The following CEP170B variants were observed in gnomAD, a reference collection of about 807,000 sequenced individuals.
CEP170B encodes centrosomal protein 170B.
A neutral mutation model predicts 120.6 loss-of-function variants in CEP170B; 55 were observed. That is an observed-to-expected ratio of 0.46 (90% CI 0.37 to 0.57). CEP170B has a LOEUF of 0.57. Ranked by LOEUF, CEP170B falls within the 20% of genes least tolerant of loss-of-function variation. The probability of loss-of-function intolerance (pLI) is 0.00; values close to 1 mark genes in which losing one functional copy is unlikely to be tolerated. For synonymous variants in CEP170B, 1,033 were observed against 954.5 expected (o/e 1.08, Z -1.52); for missense variants, 2,212 against 2,253.3 (o/e 0.98, Z 0.37).
In CEP170B at chr14:104,893,034, G is replaced by T. The variant is rs1361781905; in HGVS notation, c.3937G>T (p.Ala1313Ser). 3 of 1,590,932 alleles carry T rather than the reference G, an allele frequency of 1.9e-6. No individual in the cohort carries two copies. Among genetic ancestry groups the T allele is most frequent in the Non-Finnish European group, 2.6e-6 (3 of 1,170,434 alleles). Residue 1313 changes from alanine to serine, a missense_variant, in exon 14 of 19, where the codon GCT (alanine) becomes TCT (serine). Transcript: ENST00000414716. Reference sequence around the variant, plus strand: ...CCTAGCCCAGGAGATCCACGATGTGGCTGGGGACGGTGACACACTGGGCTC... The same window carrying T: ...CCTAGCCCAGGAGATCCACGATGTGTCTGGGGACGGTGACACACTGGGCTC... ...AILAQEIHDV[A>S]GDGDTLGSSE...
At chr14:104,886,211 C>T (rs1896490429) in intron 11 of CEP170B, 64 bp from the exon 12 acceptor site, 1 of 1,471,020 alleles carries the variant, frequency 6.8e-7, no homozygotes, top group Non-Finnish European at 9.0e-7. Flanking sequence ...CAGGCTGCCT[C>T]TTCCTGAGCG....
At chr14:104,877,210 TC>T (rs1396349608) in intron 3 of CEP170B, among the ~76,000 whole-genome samples, 1 of 152,198 alleles carries the variant, frequency 6.6e-6, no homozygotes, top group Admixed American at 6.5e-5. Context: ...GAAGCGGCTG[TC>T]CCTGAATGGC....
intron 14 of CEP170B, 146 bp downstream of exon 14, chr14:104,893,281 C>A: frequency 8.8e-7 from 1 of 1,137,648 alleles, no homozygotes; most frequent in Non-Finnish European, 1.2e-6. Context: ...CCTGGGTCAG[C>A]GCCCCAAACG....
chr14:104,886,678 T>A lies in CEP170B; in HGVS notation c.2439T>A (p.Leu813=). The A allele has an allele frequency of 6.5e-7, 1 of 1,546,154 alleles. No homozygotes were observed. Among genetic ancestry groups the A allele is most frequent in the East Asian group, 2.3e-5 (1 of 44,328 alleles). The part of the protein sequence containing the change: ...NGDAVLSRKP[L]AAPGDGEGLG... ...ACGCTGTGTTATCTAGGAAACCGCTTGCGGCTCCAGGGGATGGGGAGGGCC... is the reference window on the plus strand; with the variant it reads ...ACGCTGTGTTATCTAGGAAACCGCTAGCGGCTCCAGGGGATGGGGAGGGCC... The change falls in exon 12 of 19, where the codon CTT becomes CTA. Residue 813 remains leucine (L), a synonymous_variant. Transcript: ENST00000414716.
In CEP170B at chr14:104,872,411, G is replaced by GT. The variant is rs1895595672; in HGVS notation, c.106-3845_106-3844insT. The stretch of plus-strand genomic sequence containing the variant: ...GTGTGCCGTGGGTGTGCGTGGGTGT[G>GT]CCGTGGGTGTGCCGTGCGTGTGTGC... On this transcript the variant is annotated intron_variant, in intron 2 of 18. Coordinates refer to ENST00000414716, the MANE Select transcript of CEP170B (RefSeq NM_001112726.3). 1.5e-4 allele frequency among the ~76,000 whole-genome samples: 10 copies of GT among 68,462 alleles called. 1 individual carries two copies. In the South Asian group the frequency reaches 4.6e-3, roughly 32 times the overall value. The allele number at this position is 68,462 out of a possible 152,430, so 44.9% of individuals were successfully genotyped here.
At chr14:104,882,619 T>G (rs983245158) in intron 6 of CEP170B, 109 bp from the exon 7 acceptor site, 20 of 773,488 alleles carry the variant, frequency 2.6e-5, no homozygotes, top group Middle Eastern at 3.4e-4. Flanking sequence ...AGCTGGGAGG[T>G]GATGCCAGGG....
Position 104,887,390 on chromosome 14 carries a change from G to A in CEP170B, c.3151G>A (p.Val1051Ile). ...TTGGCCCAGTGAGGAGCGTGGCCCT[G>A]TCCTCGCCCACCTACCCAGCTCAGA... ...LDWPSEERGP[V>I]LAHLPSSDVM... is the part of the protein sequence containing the mutation. Residue 1051 changes from valine (V) to isoleucine (I), a missense_variant, in exon 12 of 19, where the codon GTC becomes ATC. Around this residue, in one of 2 missense-constraint regions of CEP170B, gnomAD observed 2,166 missense variants for 2,166.7 expected, o/e 1.00. Transcript: ENST00000414716. The A allele has an allele frequency of 6.2e-7, 1 of 1,612,178 alleles. No homozygotes were observed. The highest frequency in any genetic ancestry group is 1.7e-5 in the Admixed American group (1 of 59,984).
In CEP170B at chr14:104,894,955, C is replaced by T; in HGVS notation, c.4662C>T (p.Ile1554=). The T allele has an allele frequency of 6.3e-7, 1 of 1,577,194 alleles. No homozygotes were observed. The highest frequency in any genetic ancestry group is 1.8e-5 in the Admixed American group (1 of 55,622). The change falls in exon 19 of 19, where the codon ATC becomes ATT. Residue 1554 remains isoleucine, a synonymous_variant. Coordinates refer to ENST00000414716, the MANE Select transcript of CEP170B (RefSeq NM_001112726.3). ...TFLPDAERFL[I] ...TCCCTGATGCCGAGAGGTTCCTGATCTAGGCCCCAGACCTGGCCAGGCCAG... is the reference window on the plus strand; with the variant it reads ...TCCCTGATGCCGAGAGGTTCCTGATTTAGGCCCCAGACCTGGCCAGGCCAG...
chr14:104,883,228 C>A lies in CEP170B; in HGVS notation c.771C>A (p.Gly257=), dbSNP rs765940197. The change falls in exon 8 of 19, where the codon GGC becomes GGA. Residue 257 remains glycine (G), a synonymous_variant. Coordinates refer to ENST00000414716, the MANE Select transcript of CEP170B (RefSeq NM_001112726.3). ...MPTKDAEAGG[G]GAAPVVQSHA... is the part of the protein sequence containing the mutation. ...CGAAGGATGCAGAGGCAGGTGGGGG[C>A]GGAGCGGCCCCTGTGGTGCAGAGCC... 6.2e-7 allele frequency: 1 copy of A among 1,610,984 alleles called. No homozygotes were observed. Among genetic ancestry groups the A allele is most frequent in the South Asian group, 1.1e-5 (1 of 90,938 alleles).
chr14:104,877,355 C>T (rs1453586694), intron 3 of CEP170B, among the ~76,000 whole-genome samples: 1 of 152,186 alleles, frequency 6.6e-6, no homozygotes, highest in Non-Finnish European at 1.5e-5. Flanking sequence ...GCATGGTTGG[C>T]TACTTCTGAG....
chr14:104,878,847 G>A (rs1311256836), intron 5 of CEP170B, among the ~76,000 whole-genome samples: 2 of 152,240 alleles, frequency 1.3e-5, no homozygotes, highest in Non-Finnish European at 2.9e-5. Context: ...GGCTTTCGGA[G>A]CTGCATCGCT....
chr14:104,888,871 G>T (rs1200595487), intron 12 of CEP170B, among the ~76,000 whole-genome samples: 4 of 152,162 alleles, frequency 2.6e-5, no homozygotes, highest in Admixed American at 1.3e-4. Flanking sequence ...GGGCGGGGCC[G>T]AGGGTCACCC....
rs201569072 is a variant in CEP170B, at chr14:104,886,745, G to A, written c.2506G>A (p.Val836Ile). 1.4e-4 allele frequency: 231 copies of A among 1,610,872 alleles called. No individual in the cohort carries two copies. In the Admixed American group the frequency reaches 1.8e-3, roughly 13 times the overall value. ...AQPSPPARDGVYVSANGRMVI... is the reference protein window; with the variant it reads ...AQPSPPARDGIYVSANGRMVI... Reference sequence around the variant, plus strand: ...GCCCAGCCCCCCAGCACGGGATGGCGTCTATGTCAGTGCCAATGGGAGAAT... The same window carrying A: ...GCCCAGCCCCCCAGCACGGGATGGCATCTATGTCAGTGCCAATGGGAGAAT... Residue 836 changes from valine (V) to isoleucine (I), a missense_variant, in exon 12 of 19, where the codon GTC (valine) becomes ATC (isoleucine). Val to Ile is a conservative substitution (Grantham distance 29). Around this residue, in one of 2 missense-constraint regions of CEP170B, gnomAD observed 2,166 missense variants for 2,166.7 expected, o/e 1.00. Transcript: ENST00000414716.
At chr14:104,876,128 T>C in intron 2 of CEP170B, 128 bp from the exon 3 acceptor site, 1 of 830,192 alleles carries the variant, frequency 1.2e-6, no homozygotes, top group Non-Finnish European at 1.9e-6. Context: ...GGCACAGCTC[T>C]GTGGTCAGAG....
At chr14:104,876,907 G>A (rs1895882356) in intron 3 of CEP170B, among the ~76,000 whole-genome samples, 1 of 152,232 alleles carries the variant, frequency 6.6e-6, no homozygotes, top group South Asian at 2.1e-4. Context: ...GAGCAGGGTT[G>A]GGGGGTCAGG....
chr14:104,878,060 G>A (rs1895956715), intron 4 of CEP170B, 97 bp downstream of exon 4: 1 of 1,019,168 alleles, frequency 9.8e-7, no homozygotes, highest in Non-Finnish European at 1.5e-6. Flanking sequence ...TCACTGCTGG[G>A]GTTGCTGGGT....
chr14:104,887,318 C>G lies in CEP170B; in HGVS notation c.3079C>G (p.Arg1027Gly). ...PTDMGRGEPVRRSAIRRGHRP... is the reference protein window; with the variant it reads ...PTDMGRGEPVGRSAIRRGHRP... Reference sequence around the variant, plus strand: ...GGACATGGGCCGTGGAGAGCCGGTACGGCGCTCAGCCATAAGGCGTGGCCA... The same window carrying G: ...GGACATGGGCCGTGGAGAGCCGGTAGGGCGCTCAGCCATAAGGCGTGGCCA... Residue 1027 changes from arginine (R) to glycine (G), a missense_variant, in exon 12 of 19, where the codon CGG becomes GGG. Arg to Gly is a moderately radical substitution (Grantham distance 125, BLOSUM62 -2). Coordinates refer to ENST00000414716, the MANE Select transcript of CEP170B (RefSeq NM_001112726.3). 1 of 1,610,232 alleles carries G rather than the reference C, an allele frequency of 6.2e-7. No individual in the cohort carries two copies. The highest frequency in any genetic ancestry group is 8.5e-7 in the Non-Finnish European group (1 of 1,179,098).
rs373531826 is a variant in CEP170B, at chr14:104,886,053, C to T, written c.1958C>T (p.Pro653Leu). ...PQAEHQGLPVPGSPGGQKWVS... is the reference protein window; with the variant it reads ...PQAEHQGLPVLGSPGGQKWVS... Reference sequence around the variant, plus strand: ...TCCTCTCCACAGGGCCTCCCGGTGCCGGGCTCCCCTGGGGGTCAGAAGTGG... The same window carrying T: ...TCCTCTCCACAGGGCCTCCCGGTGCTGGGCTCCCCTGGGGGTCAGAAGTGG... The change falls in exon 11 of 19, where the codon CCG (proline) becomes CTG (leucine). Residue 653 changes from proline to leucine, a missense_variant. Physicochemically the swap from Pro to Leu is moderately conservative, Grantham distance 98. Coordinates refer to ENST00000414716, the MANE Select transcript of CEP170B (RefSeq NM_001112726.3). 14 of 1,540,990 alleles carry T rather than the reference C, an allele frequency of 9.1e-6. No homozygotes were observed. Among genetic ancestry groups the T allele is most frequent in the African/African-American group, 2.8e-5 (2 of 72,652 alleles).
rs113288111 is a variant in CEP170B, at chr14:104,868,092, C to T, written c.-27-332C>T. On this transcript the variant is annotated intron_variant, in intron 1 of 18. Coordinates refer to ENST00000414716, the MANE Select transcript of CEP170B (RefSeq NM_001112726.3). This position sits in a 1 kb window ranked among gnomAD's most constrained non-coding sequence, Gnocchi z 5.9. ...ACGTGGATGTGGGGTCACTTACAGG[C>T]AGTGCAGCCAGTGTCCCCATGAACT... 0.013 allele frequency among the ~76,000 whole-genome samples: 2,030 copies of T among 152,258 alleles called. 30 individuals are homozygous for T. Among genetic ancestry groups the T allele is most frequent in the African/African-American group, 0.029 (1,224 of 41,548 alleles).
Sources: gnomAD v4.1 joint callset for allele counts (sites outside exome capture counted in the v4.1 genomes callset) on GRCh38, gnomAD v4.1.1 for gene constraint, gnomAD v4.1.1 regional missense constraint, Gnocchi (gnomAD v3.1) non-coding constraint, MANE v1.5 for transcripts, NCBI Gene and HGNC (gene_info 2026-07-23, HGNC 2026-07-21) for gene names.